The following AHI1 variants were observed in gnomAD, a reference collection of about 807,000 sequenced individuals.
The protein encoded by AHI1 is jouberin.
AHI1 carries 123 observed loss-of-function variants against 149.3 expected under a neutral mutation model. That is an observed-to-expected ratio of 0.82 (90% CI 0.71 to 0.96). The LOEUF is 0.96. Among genes scored for constraint, AHI1 ranks in the 40% least tolerant of loss-of-function variants. The pLI is 0.00. For missense variants in AHI1, 1,439 were observed against 1,422.7 expected, an observed-to-expected ratio of 1.01 and a Z score of -0.18; for synonymous variants, 475 against 459.8, an observed-to-expected ratio of 1.03 and a Z score of -0.42.
chr6:135,317,916 C>T (rs999882509), intron 26 of AHI1, among the ~76,000 whole-genome samples: 3 of 152,102 alleles, frequency 2.0e-5, no homozygotes, highest in African/African-American at 7.2e-5. Flanking sequence ...GTTTAGTAAG[C>T]AATATACATG....
At chr6:135,446,087 T>C (rs527671217) in intron 13 of AHI1, among the ~76,000 whole-genome samples, 1 of 151,820 alleles carries the variant, frequency 6.6e-6, no homozygotes, top group South Asian at 2.1e-4. Context: ...TGGGTCTTGC[T>C]ACATTGCCCA....
chr6:135,392,380 C>T (rs537278575), intron 23 of AHI1, among the ~76,000 whole-genome samples: 1 of 152,164 alleles, frequency 6.6e-6, no homozygotes, highest in Non-Finnish European at 1.5e-5. Context: ...ATAAAAGTTA[C>T]AACAGAACAT....
intron 23 of AHI1, among the ~76,000 whole-genome samples, chr6:135,376,155 A>G (rs1272761053): frequency 1.3e-5 from 2 of 152,146 alleles, no homozygotes; most frequent in Non-Finnish European, 1.5e-5. Context: ...GAATAAGGTG[A>G]TAACAGCACT....
At chr6:135,314,976 C>A (rs993782517) in intron 26 of AHI1, among the ~76,000 whole-genome samples, 3 of 152,196 alleles carry the variant, frequency 2.0e-5, no homozygotes, top group African/African-American at 7.2e-5. Context: ...ATTTCACCAA[C>A]TAAATGTATT....
chr6:135,412,158 G>A (rs1422066076), intron 20 of AHI1, among the ~76,000 whole-genome samples: 3 of 151,072 alleles, frequency 2.0e-5, no homozygotes, highest in African/African-American at 7.3e-5. Flanking sequence ...ACCAACTATG[G>A]ATAAAAAATA....
chr6:135,355,406 A>G (rs547561118), intron 24 of AHI1, among the ~76,000 whole-genome samples: 7 of 152,268 alleles, frequency 4.6e-5, no homozygotes, highest in African/African-American at 1.7e-4. Context: ...AATGAAAAAC[A>G]AAAAGGAAAC....
intron 23 of AHI1, among the ~76,000 whole-genome samples, chr6:135,365,874 C>T (rs374152832): frequency 6.6e-6 from 1 of 152,248 alleles, no homozygotes. Flanking sequence ...AAGTGGGCAT[C>T]CTTGTCTTGT....
chr6:135,448,417 TAA>T lies in AHI1; in HGVS notation c.1497_1498del (p.Tyr499Ter), dbSNP rs905262279. 6.3e-7 allele frequency: 1 copy of T among 1,586,690 alleles called. No individual in the cohort carries two copies. The highest frequency in any genetic ancestry group is 1.3e-5 in the African/African-American group (1 of 74,682). On this transcript the variant is annotated stop_gained and frameshift_variant, in exon 12 of 29. Transcript: ENST00000265602. LOFTEE classifies it high-confidence loss of function. ...TGGGGATCGAGGCTTAGTAGGTGGG[TAA>T]TATAGCTGCAAGCGAAGTTTTGAGT...
chr6:135,302,290 A>C, intron 26 of AHI1: 1 of 985,538 alleles, frequency 1.0e-6, no homozygotes. Context: ...CTAATCAGAA[A>C]TTCTCATCAA....
At chr6:135,300,942 A>G (rs571144442) in intron 26 of AHI1, 7 of 989,590 alleles carry the variant, frequency 7.1e-6, no homozygotes, top group South Asian at 4.6e-5. Context: ...TTTATAGTAT[A>G]CTCTATATTT....
chr6:135,424,505 G>A (rs983055775), intron 20 of AHI1, among the ~76,000 whole-genome samples: 3 of 151,890 alleles, frequency 2.0e-5, no homozygotes, highest in Non-Finnish European at 2.9e-5. Context: ...TACATTATTT[G>A]TGGTACTCTG....
chr6:135,492,809 C>G, intron 3 of AHI1: 1 of 985,124 alleles, frequency 1.0e-6, no homozygotes, highest in Non-Finnish European at 1.2e-6. Flanking sequence ...TTAATAAAAC[C>G]TGGATGTGTA....
intron 5 of AHI1, among the ~76,000 whole-genome samples, chr6:135,481,797 T>C (rs1232049372): frequency 6.7e-6 from 1 of 148,788 alleles, no homozygotes; most frequent in Non-Finnish European, 1.5e-5. Flanking sequence ...TTCGCCTTCA[T>C]TTTTGCAAGG....
At chr6:135,465,700 G>T in intron 7 of AHI1, 114 bp downstream of exon 7, 1 of 843,462 alleles carries the variant, frequency 1.2e-6, no homozygotes, top group Non-Finnish European at 1.7e-6. Context: ...TAGTGACAAT[G>T]TCTCCAAATA....
chr6:135,388,729 C>T (rs1777974701), intron 23 of AHI1, among the ~76,000 whole-genome samples: 1 of 152,050 alleles, frequency 6.6e-6, no homozygotes, highest in Admixed American at 6.6e-5. Flanking sequence ...TGCAGTTCTT[C>T]GACCAGATGC....
At chr6:135,398,288 A>G (rs1342440792) in intron 22 of AHI1, among the ~76,000 whole-genome samples, 2 of 152,138 alleles carry the variant, frequency 1.3e-5, no homozygotes, top group Non-Finnish European at 2.9e-5. Flanking sequence ...TATAAAGAGC[A>G]ATTCAAATAT....
At position 135,427,927 on chromosome 6, in the gene AHI1, C is replaced by T. The variant is rs527976966; in HGVS notation, c.2624-620G>A. ...GAATTGATGCTAAAGCATCAAAACA[C>T]GGTACAGGAAACAAACAATCAAACA... On this transcript the variant is annotated intron_variant, in intron 19 of 28. Coordinates refer to ENST00000265602, the MANE Select transcript of AHI1 (RefSeq NM_001134831.2). Among the ~76,000 whole-genome samples the T allele has an allele frequency of 1.3e-4, 20 of 150,676 alleles. No individual in the cohort carries two copies. The South Asian group carries it at 1.7e-3, about 13-fold the overall frequency.
intron 24 of AHI1, among the ~76,000 whole-genome samples, chr6:135,352,167 C>T (rs1184011257): frequency 2.0e-5 from 3 of 152,170 alleles, no homozygotes; most frequent in Non-Finnish European, 4.4e-5. Context: ...TCATGAGCTG[C>T]TTTTATTTTA....
intron 5 of AHI1, among the ~76,000 whole-genome samples, chr6:135,478,876 T>G (rs925720555): frequency 2.0e-5 from 3 of 152,340 alleles, no homozygotes; most frequent in Non-Finnish European, 4.4e-5. Context: ...CCTTGAGACA[T>G]GGGGCCCTGT....
Sources: allele counts gnomAD v4.1 joint callset (sites outside exome capture counted in the v4.1 genomes callset), GRCh38; gene constraint gnomAD v4.1.1; transcripts MANE v1.5; gene names NCBI Gene and HGNC (gene_info 2026-07-23, HGNC 2026-07-21).